The following PDE1A variants were observed in gnomAD, a reference collection of about 807,000 sequenced individuals.
PDE1A encodes dual specificity calcium/calmodulin-dependent 3',5'-cyclic nucleotide phosphodiesterase 1A.
Under a neutral mutation model 61.7 loss-of-function variants are expected in PDE1A, and 35 were observed. That is an observed-to-expected ratio of 0.57 (90% confidence interval 0.43 to 0.75). The LOEUF (loss-of-function observed/expected upper bound fraction) is 0.75. Ranked by LOEUF, PDE1A falls within the 30% of genes least tolerant of loss-of-function variation. The pLI, the probability that PDE1A is intolerant of heterozygous loss-of-function variation, is 0.00. For synonymous variants in PDE1A, 232 were observed against 213.2 expected, an observed-to-expected ratio of 1.09 and a Z score of -0.77; for missense variants, 597 against 630.6, an observed-to-expected ratio of 0.95 and a Z score of 0.57.
downstream of PDE1A, among the ~76,000 whole-genome samples, chr2:182,165,649 G>A (rs1691617675): frequency 6.6e-6 from 1 of 152,114 alleles, no homozygotes; most frequent in African/African-American, 2.4e-5. Context: ...CACCTTGCCA[G>A]GCAAAGAACC....
chr2:182,170,513 C>T (rs559967912), intron 13 of PDE1A, among the ~76,000 whole-genome samples: 6 of 152,038 alleles, frequency 3.9e-5, no homozygotes, highest in Middle Eastern at 3.4e-3. Context: ...ATTCTTTCCT[C>T]TTTCTGTCTG....
chr2:182,280,106 T>C (rs1039817371), intron 1 of PDE1A, among the ~76,000 whole-genome samples: 3 of 151,928 alleles, frequency 2.0e-5, no homozygotes, highest in African/African-American at 7.2e-5. Flanking sequence ...CATAGCTGAA[T>C]AGTGTATGAA....
chr2:182,693,975 CT>C, the PDE1A span, among the ~76,000 whole-genome samples: 1 of 152,130 alleles, frequency 6.6e-6, no homozygotes, highest in Non-Finnish European at 1.5e-5. Context: ...AAAAACAAAG[CT>C]GTTTAATTCT....
rs147824482 is a variant in PDE1A at position 182,460,835 on chromosome 2, T to G, written c.101+61441A>C. On this transcript the variant is annotated intron_variant, in intron 2 of 14. Transcript: ENST00000410103. Reference sequence around the variant, plus strand: ...TTTATTAGGTTGGTGCAAAAGTAATTGTAGTTTTTGTTATTGCTTTTAATG... The same window carrying G: ...TTTATTAGGTTGGTGCAAAAGTAATGGTAGTTTTTGTTATTGCTTTTAATG... Among the ~76,000 whole-genome samples, 13 of 152,304 alleles carry G rather than the reference T, an allele frequency of 8.5e-5. No homozygotes were observed. In the East Asian group the frequency reaches 2.5e-3, roughly 29 times the overall value.
At chr2:182,612,057 C>T in the PDE1A span, among the ~76,000 whole-genome samples, 2 of 152,142 alleles carry the variant, frequency 1.3e-5, no homozygotes, top group African/African-American at 4.8e-5. Context: ...ATATACTTTG[C>T]AGCACAAAGG....
chr2:182,595,555 C>T, the PDE1A span, among the ~76,000 whole-genome samples: 1 of 152,156 alleles, frequency 6.6e-6, no homozygotes, highest in Non-Finnish European at 1.5e-5. Flanking sequence ...TTTTCTGATC[C>T]TACTCAATCG....
chr2:182,549,564 A>C, the PDE1A span, among the ~76,000 whole-genome samples: 2 of 152,126 alleles, frequency 1.3e-5, no homozygotes, highest in Admixed American at 6.5e-5. Context: ...TGTGTACTTA[A>C]ATAGGAAACA....
chr2:182,162,255 G>A lies in PDE1A; in HGVS notation c.1517-15103C>T, dbSNP rs146569910. The stretch of plus-strand genomic sequence containing the variant: ...GATCCCTGGGTGGCAGGAGCCAAGC[G>A]ATGGCACTCAAATGTCAAAGGCAAG... On this transcript the variant is annotated intron_variant, in intron 13 of 13. Transcript: ENST00000409365. Among the ~76,000 whole-genome samples the A allele has an allele frequency of 2.3e-3, 345 of 152,256 alleles. 1 individual carries two copies. Among genetic ancestry groups the A allele is most frequent in the African/African-American group, 7.9e-3 (329 of 41,550 alleles).
intron 13 of PDE1A, among the ~76,000 whole-genome samples, chr2:182,182,365 T>A (rs1684836859): frequency 6.6e-6 from 1 of 152,120 alleles, no homozygotes; most frequent in East Asian, 1.9e-4. Context: ...TTGCTTACCC[T>A]CCTTCTACTC....
the PDE1A span, among the ~76,000 whole-genome samples, chr2:182,700,721 C>CAAAAAAAAAAACAAA: frequency 8.3e-5 from 2 of 24,008 alleles, no homozygotes; most frequent in South Asian, 3.0e-3. Context: ...GACTCCATCT[C>CAAAAAAAAAAACAAA]AAAAAAAAAA....
chr2:182,363,092 A>C (rs1699607807), intron 1 of PDE1A, among the ~76,000 whole-genome samples: 1 of 152,004 alleles, frequency 6.6e-6, no homozygotes, highest in South Asian at 2.1e-4. Context: ...GAAGAGGATC[A>C]GGAAAAATAA....
At chr2:182,509,736 T>C (rs1004233622) in intron 2 of PDE1A, among the ~76,000 whole-genome samples, 3 of 152,198 alleles carry the variant, frequency 2.0e-5, no homozygotes, top group African/African-American at 7.2e-5. Flanking sequence ...TTTGAGGTGA[T>C]TTTTAAACAA....
chr2:182,632,782 C>G, the PDE1A span, among the ~76,000 whole-genome samples: 2 of 152,162 alleles, frequency 1.3e-5, no homozygotes, highest in Admixed American at 1.3e-4. Context: ...TACTTAGCCC[C>G]CCACAATTTT....
At chr2:182,660,318 A>G in the PDE1A span, among the ~76,000 whole-genome samples, 1 of 152,168 alleles carries the variant, frequency 6.6e-6, no homozygotes, top group Admixed American at 6.5e-5. Context: ...CTTCTCTGAG[A>G]GAGTGGAAGA....
Position 182,185,878 on chromosome 2 carries a change from A to G in PDE1A, c.1516+14T>C, listed in dbSNP as rs779794882. 2 of 1,613,680 alleles carry G rather than the reference A, an allele frequency of 1.2e-6. No individual in the cohort carries two copies. The highest frequency in any genetic ancestry group is 4.5e-5 in the East Asian group (2 of 44,874). ...CAGAGAGAGATGGCAGTAAGGCCTC[A>G]TAAACAACACTACCTTGTGCAGCTA... On this transcript the variant is annotated intron_variant, in intron 13 of 13. Transcript: ENST00000351439.
chr2:182,554,125 T>G, the PDE1A span, among the ~76,000 whole-genome samples: 1 of 152,124 alleles, frequency 6.6e-6, no homozygotes. Context: ...AATACTTAGA[T>G]GAGACACGAG....
chr2:182,397,622 T>C (rs1701780189), intron 1 of PDE1A, among the ~76,000 whole-genome samples: 1 of 152,150 alleles, frequency 6.6e-6, no homozygotes, highest in South Asian at 2.1e-4. Context: ...AGAAGAAATG[T>C]CCTCTACCTG....
At chr2:182,656,069 A>C in the PDE1A span, among the ~76,000 whole-genome samples, 1 of 152,184 alleles carries the variant, frequency 6.6e-6, no homozygotes, top group Non-Finnish European at 1.5e-5. Context: ...AGACAATTAT[A>C]CAGTCATTAT....
chr2:182,695,680 A>AG, the PDE1A span, among the ~76,000 whole-genome samples: 3 of 97,826 alleles, frequency 3.1e-5, no homozygotes, highest in Non-Finnish European at 7.2e-5. Context: ...AAAAAAAAAA[A>AG]AAAAAGAAAA....
Sources: allele counts gnomAD v4.1 joint callset (sites outside exome capture counted in the v4.1 genomes callset), GRCh38; gene constraint gnomAD v4.1.1; transcripts MANE v1.5; gene names NCBI Gene and HGNC (gene_info 2026-07-23, HGNC 2026-07-21).